The following ANK3 variants were observed in gnomAD, a reference collection of about 807,000 sequenced individuals.
ANK3 encodes the protein ankyrin 3.
Under a neutral mutation model 370.9 loss-of-function variants are expected in ANK3, and 57 were observed. That is an observed-to-expected ratio of 0.15 (90% CI 0.12 to 0.19). The LOEUF is 0.19. ANK3 is among the 10% of genes least tolerant of loss of function. The pLI is 1.00. For missense variants in ANK3, 4,439 were observed against 5,302.1 expected (o/e 0.84, Z 5.06); for synonymous variants, 1,929 against 1,946.3 (o/e 0.99, Z 0.23).
At chr10:60,426,997 T>C (rs946726821) in intron 2 of ANK3, among the ~76,000 whole-genome samples, 1 of 152,130 alleles carries the variant, frequency 6.6e-6, no homozygotes, top group African/African-American at 2.4e-5. Flanking sequence ...CCCAATCTGA[T>C]GCTTCGAATT....
At chr10:60,572,650 A>C in intron 2 of ANK3, 1 of 1,454,912 alleles carries the variant, frequency 6.9e-7, no homozygotes, top group South Asian at 1.5e-5. Flanking sequence ...CCCCAGGCAA[A>C]GCAGCCGCTG....
chr10:60,432,758 T>C (rs1259603334), intron 2 of ANK3, among the ~76,000 whole-genome samples: 1 of 152,200 alleles, frequency 6.6e-6, no homozygotes, highest in Non-Finnish European at 1.5e-5. Flanking sequence ...AATAAAATGT[T>C]TCTCAGCATT....
At position 60,034,146 on chromosome 10, in the gene ANK3, G is replaced by A. The variant is rs1172722610; in HGVS notation, c.*20-4320C>T. On this transcript the variant is annotated intron_variant, in intron 43 of 43. Coordinates refer to ENST00000280772, the MANE Select transcript of ANK3 (RefSeq NM_020987.5). ...TTTTGAGACAGAGTCTTGCTCTGTC[G>A]CCCATGCTGGAATGCAAAGGCATGA... Among the ~76,000 whole-genome samples the A allele has an allele frequency of 6.2e-5, 8 of 128,624 alleles. No homozygotes were observed. In the East Asian group the frequency reaches 8.9e-4, roughly 14 times the overall value. 84.4% of individuals were successfully genotyped at this position (128,624 alleles called of 152,430 possible). A position where few individuals can be genotyped will look rare whatever the true frequency, so the allele number is the denominator to read the frequency against.
chr10:60,624,954 A>T (rs2078388170), intron 1 of ANK3, among the ~76,000 whole-genome samples: 1 of 152,172 alleles, frequency 6.6e-6, no homozygotes, highest in Admixed American at 6.6e-5. Flanking sequence ...CGTGACTTCA[A>T]TTCCTTCTTC....
chr10:60,079,050 C>T (rs901450110), intron 36 of ANK3, among the ~76,000 whole-genome samples: 2 of 152,130 alleles, frequency 1.3e-5, no homozygotes, highest in Non-Finnish European at 2.9e-5. Flanking sequence ...CTGTCCAAAG[C>T]TTAACGATGT....
At chr10:60,169,531 G>C (rs1410818034) in intron 21 of ANK3, among the ~76,000 whole-genome samples, 2 of 151,932 alleles carry the variant, frequency 1.3e-5, no homozygotes, top group Non-Finnish European at 2.9e-5. Context: ...AGCAGTATTT[G>C]TCAGGTTTCT....
intron 2 of ANK3, among the ~76,000 whole-genome samples, chr10:60,514,299 C>G (rs2076163012): frequency 6.6e-6 from 1 of 151,970 alleles, no homozygotes; most frequent in Non-Finnish European, 1.5e-5. Context: ...GTTCAAGGGG[C>G]AACTGATCAG....
intron 1 of ANK3, among the ~76,000 whole-genome samples, chr10:60,292,304 G>C (rs2041577356): frequency 6.6e-6 from 1 of 151,622 alleles, no homozygotes; most frequent in Admixed American, 6.6e-5. Context: ...GTTTGAACCT[G>C]TTTCTGATTA....
Position 60,279,056 on chromosome 10 carries a change from A to G in ANK3, c.309T>C (p.Ala103=), listed in dbSNP as rs2098128342. ...LLQREANVDA[A]TKKGNTALHI... ...TTAAATATGTGATACTGACCTTTGTAGCTGCATCCACATTGGCTTCTCTCT... is the reference window on the plus strand; with the variant it reads ...TTAAATATGTGATACTGACCTTTGTGGCTGCATCCACATTGGCTTCTCTCT... The change falls in exon 3 of 44, where the codon GCT becomes GCC. Residue 103 remains alanine (A), a synonymous_variant. Coordinates refer to ENST00000280772, the MANE Select transcript of ANK3 (RefSeq NM_020987.5). 1.2e-6 allele frequency: 2 copies of G among 1,613,734 alleles called. No individual in the cohort carries two copies. Among genetic ancestry groups the G allele is most frequent in the East Asian group, 2.2e-5 (1 of 44,876 alleles).
At chr10:60,684,631 A>G in intron 1 of ANK3, 6 of 1,590,122 alleles carry the variant, frequency 3.8e-6, no homozygotes, top group Non-Finnish European at 5.2e-6. Context: ...GCTGCAGTTC[A>G]ATGAATTTGT....
intron 1 of ANK3, among the ~76,000 whole-genome samples, chr10:60,332,223 TGAGAAAAGTATA>T (rs968004502): frequency 2.2e-4 from 34 of 152,302 alleles, no homozygotes; most frequent in Admixed American, 6.5e-4. Context: ...GATTCTAAAT[TGAGAAAAGTATA>T]AAGAAGCAAT....
In ANK3 at chr10:60,073,305, C is replaced by T. The variant is rs1354160576; in HGVS notation, c.7576G>A (p.Gly2526Ser). ...SKIYKDVSENGVGKVSKDEHF... is the reference protein window; with the variant it reads ...SKIYKDVSENSVGKVSKDEHF... ...TCATCTTTAGACACTTTACCTACACCATTTTCAGAAACATCTTTATAGATT... is the reference window on the plus strand; with the variant it reads ...TCATCTTTAGACACTTTACCTACACTATTTTCAGAAACATCTTTATAGATT... Residue 2526 changes from glycine (G) to serine (S), a missense_variant, in exon 37 of 44, where the codon GGT becomes AGT. Around this residue, in one of 13 missense-constraint regions of ANK3, gnomAD observed 1,601 missense variants for 1,731.7 expected, o/e 0.92. Coordinates refer to ENST00000280772, the MANE Select transcript of ANK3 (RefSeq NM_020987.5). 1 of 1,614,008 alleles carries T rather than the reference C, an allele frequency of 6.2e-7. No individual in the cohort carries two copies. The highest frequency in any genetic ancestry group is 8.5e-7 in the Non-Finnish European group (1 of 1,180,002).
intron 1 of ANK3, among the ~76,000 whole-genome samples, chr10:60,363,254 C>T (rs539793600): frequency 3.1e-3 from 474 of 152,160 alleles, no homozygotes; most frequent in African/African-American, 0.011. Flanking sequence ...CAGCATGGAA[C>T]GAAGGGAGCG....
intron 2 of ANK3, among the ~76,000 whole-genome samples, chr10:60,500,434 G>A (rs1161235711): frequency 1.3e-5 from 2 of 152,138 alleles, no homozygotes; most frequent in Non-Finnish European, 2.9e-5. Context: ...AACTGAAACA[G>A]GTAATGTGAG....
chr10:60,374,904 C>T (rs77336540), intron 1 of ANK3, among the ~76,000 whole-genome samples: 2,566 of 151,716 alleles, frequency 0.017, 71 homozygotes, highest in African/African-American at 0.059. Context: ...TTTATGTTCA[C>T]ATTATATTTT....
At chr10:60,317,423 C>T (rs1200276326) in intron 1 of ANK3, among the ~76,000 whole-genome samples, 1 of 152,112 alleles carries the variant, frequency 6.6e-6, no homozygotes, top group Non-Finnish European at 1.5e-5. Flanking sequence ...TGTGCCCGGC[C>T]CCTACTTGGA....
chr10:60,265,444 G>A (rs1020902404), intron 5 of ANK3, among the ~76,000 whole-genome samples: 1 of 152,142 alleles, frequency 6.6e-6, no homozygotes, highest in Admixed American at 6.5e-5. Flanking sequence ...TTTCACTGCA[G>A]TGAAATTAAC....
chr10:60,410,744 G>C (rs531245491), intron 2 of ANK3, among the ~76,000 whole-genome samples: 3 of 150,010 alleles, frequency 2.0e-5, no homozygotes, highest in Non-Finnish European at 4.5e-5. Flanking sequence ...ATAGCTCACC[G>C]CATCCTCAAA....
intron 2 of ANK3, among the ~76,000 whole-genome samples, chr10:60,414,425 G>A (rs77543219): frequency 2.0e-5 from 3 of 152,012 alleles, no homozygotes; most frequent in Admixed American, 6.5e-5. Flanking sequence ...AATGAAGATC[G>A]ATCTTCAGTG....
Sources: gnomAD v4.1 joint callset for allele counts (sites outside exome capture counted in the v4.1 genomes callset) on GRCh38, gnomAD v4.1.1 for gene constraint, gnomAD v4.1.1 regional missense constraint, MANE v1.5 for transcripts, NCBI Gene and HGNC (gene_info 2026-07-23, HGNC 2026-07-21) for gene names.